Variants in SQSTM1 observed in about 807,000 individuals in gnomAD.
SQSTM1 encodes sequestosome 1, also known as sequestosome-1.
Under a neutral mutation model 45.1 loss-of-function variants are expected in SQSTM1, and 36 were observed. The ratio of observed to expected loss-of-function variants is 0.80; its 90% CI spans 0.61 to 1.05. The LOEUF is 1.05. Ranked by LOEUF, SQSTM1 falls within the 50% of genes least tolerant of loss-of-function variation. SQSTM1 has a pLI of 0.00. For synonymous variants in SQSTM1, 290 were observed against 244.3 expected (o/e 1.19, Z -1.74); for missense variants, 617 against 607.1 (o/e 1.02, Z -0.17).
At chr5:179,831,529 G>A (rs1022558942) in intron 5 of SQSTM1, among the ~76,000 whole-genome samples, 2 of 152,170 alleles carry the variant, frequency 1.3e-5, no homozygotes, top group Admixed American at 6.5e-5. Flanking sequence ...GGGCGTGGTG[G>A]CACGTGCCTA....
chr5:179,836,926 CTTTTG>C lies in SQSTM1; in HGVS notation c.*338_*342del, dbSNP rs771841908. On this transcript the variant is annotated 3_prime_UTR_variant, in exon 8 of 8. Coordinates refer to ENST00000389805, the MANE Select transcript of SQSTM1 (RefSeq NM_003900.5). ...GCTTGCCTAATGGCTTTCACTTTCT[CTTTTG>C]TTTTAAATGACTCATAGGTCCCTGA... The C allele has an allele frequency of 3.0e-5, 18 of 606,976 alleles. No individual in the cohort carries two copies. In the South Asian group the frequency reaches 3.6e-4, roughly 12 times the overall value. The allele number at this position is 606,976 out of a possible 1,614,324, so 37.6% of individuals were successfully genotyped here.
chr5:179,817,736 C>A (rs897434667), upstream of SQSTM1, among the ~76,000 whole-genome samples: 1 of 152,120 alleles, frequency 6.6e-6, no homozygotes, highest in Non-Finnish European at 1.5e-5. Context: ...CCTGGCCGGG[C>A]GGGTGGCTCA....
chr5:179,833,045 T>C lies in SQSTM1; in HGVS notation c.768T>C (p.Asp256=), dbSNP rs1758311686. 1 of 1,613,986 alleles carries C rather than the reference T, an allele frequency of 6.2e-7. No individual in the cohort carries two copies. The highest frequency in any genetic ancestry group is 8.5e-7 in the Non-Finnish European group (1 of 1,180,004). ...AALSPLGIEV[D]IDVEHGGKRS... ...CTCCGCCTCTAGGCATTGAAGTTGA[T>C]ATCGATGTGGAGCACGGAGGGAAAA... Residue 256 remains aspartate, a synonymous_variant, in exon 6 of 8, where the codon GAT becomes GAC. Transcript: ENST00000389805.
chr5:179,820,845 C>T (rs368244826), upstream of SQSTM1: 5 of 1,272,404 alleles, frequency 3.9e-6, no homozygotes, highest in African/African-American at 6.3e-5. Context: ...CTCCGCCCCT[C>T]TCGAGGCGGG....
intron 7 of SQSTM1, chr5:179,835,680 AAGAGG>A (rs1758514009): frequency 1.6e-5 from 1 of 63,368 alleles, no homozygotes; most frequent in Non-Finnish European, 4.1e-5. Flanking sequence ...ACCGTGGAGA[AAGAGG>A]GAGAGGGAAA....
At chr5:179,832,448 G>C (rs111478607) in intron 5 of SQSTM1, among the ~76,000 whole-genome samples, 9,598 of 152,340 alleles carry the variant, frequency 0.063, 407 homozygotes, top group Middle Eastern at 0.12. Flanking sequence ...CCACCTCCCA[G>C]AGCAGAGCTC....
chr5:179,825,041 A>T, intron 4 of SQSTM1, 105 bp from the exon 5 acceptor site: 2 of 1,166,116 alleles, frequency 1.7e-6, no homozygotes, highest in Non-Finnish European at 2.5e-6. Context: ...TGTCCGGGTT[A>T]AAGGTCACCC....
chr5:179,837,888 G>C lies in SQSTM1; in HGVS notation c.*1295G>C. 6.2e-7 allele frequency: 1 copy of C among 1,601,290 alleles called. No homozygotes were observed. The highest frequency in any genetic ancestry group is 8.5e-7 in the Non-Finnish European group (1 of 1,178,046). ...TTCCATGTCAGGCCAGCCTGTCCCT[G>C]AAAGAGAAGATGGCCATGCCCTCCA... On this transcript the variant is annotated 3_prime_UTR_variant, in exon 8 of 8. Coordinates refer to ENST00000389805, the MANE Select transcript of SQSTM1 (RefSeq NM_003900.5).
At chr5:179,821,573 T>C (rs1345728810) in intron 1 of SQSTM1, 5 of 457,478 alleles carry the variant, frequency 1.1e-5, no homozygotes, top group Non-Finnish European at 2.2e-5. Context: ...GATAATGCCC[T>C]GGAGGAGCCG....
At chr5:179,825,270 A>G in intron 5 of SQSTM1, 44 bp downstream of exon 5, 1 of 1,465,766 alleles carries the variant, frequency 6.8e-7, no homozygotes, top group Non-Finnish European at 9.6e-7. Flanking sequence ...CTCAGCCTGC[A>G]CTTTATGTAA....
rs576761415 is a variant in SQSTM1 at position 179,827,533 on chromosome 5, C to T, written c.754+2307C>T. On this transcript the variant is annotated intron_variant, in intron 5 of 7. Coordinates refer to ENST00000389805, the MANE Select transcript of SQSTM1 (RefSeq NM_003900.5). ...TATCCTGACCTCGTGATCCACCCGC[C>T]TCAGCCTCCCCAAGTGCTGGGATTA... Among the ~76,000 whole-genome samples the T allele has an allele frequency of 4.7e-4, 71 of 152,344 alleles. 2 individuals carry two copies. In the South Asian group the frequency reaches 9.9e-3, roughly 21 times the overall value.
chr5:179,830,662 A>T (rs186748738), intron 5 of SQSTM1, among the ~76,000 whole-genome samples: 141 of 151,984 alleles, frequency 9.3e-4, no homozygotes, highest in African/African-American at 3.3e-3. Flanking sequence ...GGGTTCAAGC[A>T]ATTTTCTGCC....
chr5:179,828,864 C>T (rs565925723), intron 5 of SQSTM1, among the ~76,000 whole-genome samples: 4 of 152,244 alleles, frequency 2.6e-5, no homozygotes, highest in African/African-American at 7.2e-5. Context: ...GAGGAAAAGA[C>T]AAAGATGTGA....
Position 179,824,056 on chromosome 5 carries a change from C to T in SQSTM1, c.500C>T (p.Ala167Val), listed in dbSNP as rs777302431. Residue 167 changes from alanine to valine, a missense_variant, in exon 3 of 8, where the codon GCA becomes GTA. Physicochemically the swap from Ala to Val is moderately conservative, Grantham distance 64 (BLOSUM62 0). Transcript: ENST00000389805. ...KGLHRGHTKL[A>V]FPSPFGHLSE... ...TTGCACCGGGGGCACACCAAGCTCG[C>T]ATTCCCCAGCCCCTTCGGGCACCTG... is the stretch of plus-strand genomic sequence containing the variant. 1 of 1,613,988 alleles carries T rather than the reference C, an allele frequency of 6.2e-7. No individual in the cohort carries two copies. The highest frequency in any genetic ancestry group is 8.5e-7 in the Non-Finnish European group (1 of 1,180,042).
chr5:179,828,175 C>G (rs1255243657), intron 5 of SQSTM1, among the ~76,000 whole-genome samples: 3 of 152,160 alleles, frequency 2.0e-5, no homozygotes, highest in Non-Finnish European at 4.4e-5. Flanking sequence ...GACAAAGTAG[C>G]CTGTCCAGTC....
Position 179,836,822 on chromosome 5 carries a change from G to A in SQSTM1, c.*229G>A. 4 of 696,498 alleles carry A rather than the reference G, an allele frequency of 5.7e-6. No homozygotes were observed. The highest frequency in any genetic ancestry group is 9.9e-6 in the Non-Finnish European group (4 of 405,080). The allele number at this position is 696,498 out of a possible 1,614,324, so 43.1% of individuals were successfully genotyped here. A position where few individuals can be genotyped will look rare whatever the true frequency, so the allele number is the denominator to read the frequency against. On this transcript the variant is annotated 3_prime_UTR_variant, in exon 8 of 8. Coordinates refer to ENST00000389805, the MANE Select transcript of SQSTM1 (RefSeq NM_003900.5). Reference sequence around the variant, plus strand: ...TGCCCTGGCTCCTTGCAGCAGGGCTGGGCCTGCGAGACCCAAGGCTCACTG... The same window carrying A: ...TGCCCTGGCTCCTTGCAGCAGGGCTAGGCCTGCGAGACCCAAGGCTCACTG...
At chr5:179,831,975 G>A (rs1205575429) in intron 5 of SQSTM1, among the ~76,000 whole-genome samples, 1 of 152,008 alleles carries the variant, frequency 6.6e-6, no homozygotes, top group Non-Finnish European at 1.5e-5. Context: ...AGTAGAGACG[G>A]GGTTTCACCA....
upstream of SQSTM1, among the ~76,000 whole-genome samples, chr5:179,814,838 T>C (rs571211994): frequency 6.0e-4 from 91 of 152,158 alleles, no homozygotes; most frequent in South Asian, 1.9e-3. Flanking sequence ...GGAGGATCGC[T>C]TGAGCCCAAG....
At chr5:179,810,743 G>C (rs528910675) in intron 1 of SQSTM1, among the ~76,000 whole-genome samples, 42 of 152,320 alleles carry the variant, frequency 2.8e-4, no homozygotes, top group African/African-American at 9.6e-4. Context: ...CAGTGTAAAA[G>C]CATTCCTATT....
Sources: allele counts gnomAD v4.1 joint callset (sites outside exome capture counted in the v4.1 genomes callset), GRCh38; gene constraint gnomAD v4.1.1; transcripts MANE v1.5; gene names NCBI Gene and HGNC (gene_info 2026-07-23, HGNC 2026-07-21).